The following FSHR variants were observed in gnomAD, a reference collection of about 807,000 sequenced individuals.
The protein encoded by FSHR is follicle-stimulating hormone receptor.
Under a neutral mutation model 52.1 loss-of-function variants are expected in FSHR, and 46 were observed. That is an observed-to-expected ratio of 0.88 (90% CI 0.70 to 1.13). The LOEUF is 1.13. Ranked by LOEUF, FSHR falls within the 50% of genes most tolerant of loss-of-function variation. The pLI, the probability that FSHR is intolerant of heterozygous loss-of-function variation, is 0.00. For missense variants in FSHR, 964 were observed against 834.6 expected, an observed-to-expected ratio of 1.16 and a Z score of -1.91; for synonymous variants, 399 against 309.6, an observed-to-expected ratio of 1.29 and a Z score of -3.03.
chr2:48,976,960 GGGTTTTTCGTGTCTCT>G (rs1455103146), intron 8 of FSHR, among the ~76,000 whole-genome samples: 1 of 151,994 alleles, frequency 6.6e-6, no homozygotes, highest in Non-Finnish European at 1.5e-5. Flanking sequence ...CGTTTTTGAG[GGGTTTTTCGTGTCTCT>G]GTCTCCTTCA....
At position 49,127,491 on chromosome 2, in the gene FSHR, CCT is replaced by C. The variant is rs1374101599; in HGVS notation, c.152+26773_152+26774del. 2.0e-5 allele frequency among the ~76,000 whole-genome samples: 3 copies of C among 151,014 alleles called. No homozygotes were observed. The Admixed American group carries it at 2.0e-4, about 10-fold the overall frequency. On this transcript the variant is annotated intron_variant, in intron 1 of 9. Transcript: ENST00000406846. ...CCTTTCTTTCCTTCTTCTGAAATAC[CCT>C]GTTTCTTTCTCAATGACCACCACAA...
intron 1 of FSHR, among the ~76,000 whole-genome samples, chr2:49,110,971 G>A (rs936974950): frequency 2.6e-5 from 4 of 152,144 alleles, no homozygotes; most frequent in African/African-American, 2.4e-5. Flanking sequence ...GGTTAATAAG[G>A]TTCTTCAAAT....
intron 1 of FSHR, among the ~76,000 whole-genome samples, chr2:49,140,681 G>T (rs1041852483): frequency 2.0e-5 from 3 of 151,488 alleles, no homozygotes; most frequent in Non-Finnish European, 2.9e-5. Flanking sequence ...TCCAGCCTGG[G>T]CGACAGAGTG....
At chr2:49,139,764 A>G (rs963510177) in intron 1 of FSHR, among the ~76,000 whole-genome samples, 1 of 151,808 alleles carries the variant, frequency 6.6e-6, no homozygotes, top group Non-Finnish European at 1.5e-5. Context: ...TGCCCGGCTA[A>G]CTTTTTGTAT....
chr2:48,978,780 C>T (rs1262926438), intron 8 of FSHR, among the ~76,000 whole-genome samples: 4 of 152,198 alleles, frequency 2.6e-5, no homozygotes, highest in Non-Finnish European at 1.5e-5. Flanking sequence ...CTGCATCTAT[C>T]TTTCTTTGTG....
In FSHR at chr2:49,019,972, G is replaced by A. The variant is rs145304969; in HGVS notation, c.299+114C>T. The A allele has an allele frequency of 3.4e-4, 313 of 912,370 alleles. 2 individuals carry two copies. In the African/African-American group the frequency reaches 4.1e-3, roughly 12 times the overall value. 56.5% of individuals were successfully genotyped at this position (912,370 alleles called of 1,614,324 possible). On this transcript the variant is annotated intron_variant, in intron 3 of 9. Transcript: ENST00000406846. ...TAGGCTGATTTTGACATCTTATAAT[G>A]ACAATCTAGGGATCTGAGGCCATGG...
chr2:49,134,965 A>C (rs1160708593), intron 1 of FSHR, among the ~76,000 whole-genome samples: 4 of 152,202 alleles, frequency 2.6e-5, no homozygotes, highest in African/African-American at 7.2e-5. Flanking sequence ...ACCTAATGCT[A>C]GATGACGAGT....
intron 1 of FSHR, among the ~76,000 whole-genome samples, chr2:49,105,994 G>A (rs139517298): frequency 2.0e-5 from 3 of 152,278 alleles, no homozygotes; most frequent in African/African-American, 7.2e-5. Flanking sequence ...CTGGATCTCA[G>A]TTTTCTCCTC....
intron 1 of FSHR, among the ~76,000 whole-genome samples, chr2:49,073,151 G>T (rs976800418): frequency 6.6e-6 from 1 of 151,974 alleles, no homozygotes; most frequent in African/African-American, 2.4e-5. Flanking sequence ...ACTAGAACAC[G>T]ACAAGGATGC....
At chr2:48,978,247 G>T (rs1675080915) in intron 8 of FSHR, among the ~76,000 whole-genome samples, 1 of 152,184 alleles carries the variant, frequency 6.6e-6, no homozygotes, top group Non-Finnish European at 1.5e-5. Flanking sequence ...CCACAAATTT[G>T]ATTTGAACAA....
chr2:49,013,129 C>A (rs967252024), intron 4 of FSHR, among the ~76,000 whole-genome samples: 1 of 151,334 alleles, frequency 6.6e-6, no homozygotes, highest in Non-Finnish European at 1.5e-5. Flanking sequence ...CTTCCCCCCC[C>A]ACCCCCACTT....
intron 9 of FSHR, 56 bp from the exon 10 acceptor site, chr2:48,964,022 C>G: frequency 6.5e-7 from 1 of 1,537,378 alleles, no homozygotes; most frequent in African/African-American, 1.4e-5. Flanking sequence ...ATAGCAAATA[C>G]ATCACTGTCT....
intron 8 of FSHR, among the ~76,000 whole-genome samples, chr2:48,969,892 A>T (rs1048695897): frequency 4.6e-5 from 7 of 152,096 alleles, no homozygotes; most frequent in Non-Finnish European, 1.0e-4. Context: ...GAACAAGGAG[A>T]TTTAAATGGC....
intron 1 of FSHR, among the ~76,000 whole-genome samples, chr2:49,103,147 T>G (rs1271581480): frequency 6.6e-6 from 1 of 152,274 alleles, no homozygotes; most frequent in South Asian, 2.1e-4. Flanking sequence ...AAAACAATTT[T>G]TGCCTCCTTG....
At chr2:48,975,344 C>T (rs181273925) in intron 8 of FSHR, among the ~76,000 whole-genome samples, 5 of 150,582 alleles carry the variant, frequency 3.3e-5, no homozygotes, top group Admixed American at 1.3e-4. Context: ...CAGAGTTATA[C>T]CATCAATTTC....
At chr2:49,008,881 T>C (rs1667166407) in intron 4 of FSHR, among the ~76,000 whole-genome samples, 1 of 151,478 alleles carries the variant, frequency 6.6e-6, no homozygotes, top group South Asian at 2.1e-4. Context: ...GTTGTTTGTT[T>C]TTTTCTTGTA....
chr2:49,154,196 TA>T, intron 1 of FSHR, 69 bp downstream of exon 1: 4 of 1,510,370 alleles, frequency 2.6e-6, no homozygotes, highest in Non-Finnish European at 3.7e-6. Flanking sequence ...CAGCCTAATG[TA>T]AAAATAATAA....
chr2:48,968,991 G>A (rs1674610795), intron 8 of FSHR, 108 bp from the exon 9 acceptor site: 1 of 1,004,390 alleles, frequency 1.0e-6, no homozygotes, highest in Admixed American at 2.0e-5. Context: ...TTACATGGAT[G>A]AGGAGAGAGA....
chr2:49,029,112 C>T (rs1668011945), intron 2 of FSHR, among the ~76,000 whole-genome samples: 1 of 152,108 alleles, frequency 6.6e-6, no homozygotes, highest in Admixed American at 6.5e-5. Context: ...ATTGCTTGGC[C>T]AATTTGAAGA....
Sources: gnomAD v4.1 joint callset for allele counts (sites outside exome capture counted in the v4.1 genomes callset) on GRCh38, gnomAD v4.1.1 for gene constraint, MANE v1.5 for transcripts, NCBI Gene and HGNC (gene_info 2026-07-23, HGNC 2026-07-21) for gene names.